Variants in ARID2 observed in about 807,000 individuals in gnomAD.
The protein encoded by ARID2 is AT-rich interactive domain-containing protein 2.
In ARID2, 32 loss-of-function variants were observed where a neutral mutation model predicts 184.6. The ratio of observed to expected loss-of-function variants is 0.17; its 90% confidence interval spans 0.13 to 0.23. The LOEUF is 0.23. Among genes scored for constraint, ARID2 ranks in the 10% least tolerant of loss-of-function variants. ARID2 has a pLI of 1.00. For missense variants in ARID2, 1,696 were observed against 2,197.6 expected, an observed-to-expected ratio of 0.77 and a Z score of 4.56; for synonymous variants, 836 against 772.6, an observed-to-expected ratio of 1.08 and a Z score of -1.36.
rs1941424521 is a variant in ARID2 at position 45,749,795 on chromosome 12, C to T, written c.284+18481C>T. ...CTCACAAACCAACAACCTTTGCTAG[C>T]TTCAGACTTTCCTTCTGCAGCTTCC... On this transcript the variant is annotated intron_variant, in intron 3 of 20. Transcript: ENST00000334344. Among the ~76,000 whole-genome samples, 2 of 152,196 alleles carry T rather than the reference C, an allele frequency of 1.3e-5. 1 individual carries two copies. The highest frequency in any genetic ancestry group is 4.1e-4 in the South Asian group (2 of 4,830).
At chr12:45,796,899 G>C (rs1052567182) in intron 3 of ARID2, among the ~76,000 whole-genome samples, 1 of 152,140 alleles carries the variant, frequency 6.6e-6, no homozygotes, top group Non-Finnish European at 1.5e-5. Flanking sequence ...AGAGAATATT[G>C]TTAAATTATC....
intron 13 of ARID2, 65 bp from the exon 14 acceptor site, chr12:45,849,515 A>T (rs2138155870): frequency 7.5e-7 from 1 of 1,330,370 alleles, no homozygotes; most frequent in Non-Finnish European, 1.0e-6. Flanking sequence ...TTGTTCATGT[A>T]AACATAATGT....
At chr12:45,894,095 T>C (rs1944337990) in intron 20 of ARID2, among the ~76,000 whole-genome samples, 1 of 152,218 alleles carries the variant, frequency 6.6e-6, no homozygotes, top group Admixed American at 6.5e-5. Flanking sequence ...GGCATTTTCA[T>C]GTACCCATCA....
At chr12:45,860,713 CAACAT>C (rs1179768872) in intron 15 of ARID2, 83 bp from the exon 16 acceptor site, 3 of 1,124,046 alleles carry the variant, frequency 2.7e-6, no homozygotes, top group African/African-American at 1.6e-5. Flanking sequence ...AAATGTATAA[CAACAT>C]AATCAAATTT....
At chr12:45,796,695 G>T (rs1417259583) in intron 3 of ARID2, among the ~76,000 whole-genome samples, 1 of 152,012 alleles carries the variant, frequency 6.6e-6, no homozygotes, top group Non-Finnish European at 1.5e-5. Context: ...TGTGATTTTA[G>T]TAAAGATGGG....
intron 3 of ARID2, among the ~76,000 whole-genome samples, chr12:45,808,688 CA>C (rs1435706607): frequency 6.6e-6 from 1 of 151,786 alleles, no homozygotes; most frequent in Non-Finnish European, 1.5e-5. Context: ...TCTTTACTAA[CA>C]ATGTTGCTTT....
At chr12:45,779,481 A>G (rs1942048246) in intron 3 of ARID2, among the ~76,000 whole-genome samples, 1 of 152,160 alleles carries the variant, frequency 6.6e-6, no homozygotes, top group Non-Finnish European at 1.5e-5. Context: ...TTAATTGAAC[A>G]TTTAAAAAAC....
At chr12:45,854,169 C>T (rs1276158795) in intron 15 of ARID2, among the ~76,000 whole-genome samples, 1 of 152,188 alleles carries the variant, frequency 6.6e-6, no homozygotes, top group African/African-American at 2.4e-5. Context: ...TCACTGTCTC[C>T]CATTCCCCAG....
Position 45,869,184 on chromosome 12 carries a change from T to G in ARID2, c.4922+8235T>G, listed in dbSNP as rs186182887. ...GGCACGTGCCACCATGCCCAGCTAA[T>G]TTTTGTATTTTTAGTAGGGACAGGG... On this transcript the variant is annotated intron_variant, in intron 16 of 20. Coordinates refer to ENST00000334344, the MANE Select transcript of ARID2 (RefSeq NM_152641.4). Among the ~76,000 whole-genome samples, 8 of 152,098 alleles carry G rather than the reference T, an allele frequency of 5.3e-5. No individual in the cohort carries two copies. In the East Asian group the frequency reaches 1.4e-3, roughly 26 times the overall value.
chr12:45,848,806 G>A (rs111594260), intron 12 of ARID2, 30 bp from the exon 13 acceptor site: 7 of 1,595,142 alleles, frequency 4.4e-6, no homozygotes, highest in African/African-American at 2.7e-5. Flanking sequence ...AGAGTATATT[G>A]TATAATGCTT....
At position 45,731,902 on chromosome 12, in the gene ARID2, A is replaced by G. The variant is rs964303511; in HGVS notation, c.284+588A>G. Among the ~76,000 whole-genome samples, 9 of 152,078 alleles carry G rather than the reference A, an allele frequency of 5.9e-5. No individual in the cohort carries two copies. In the East Asian group the frequency reaches 1.3e-3, roughly 23 times the overall value. On this transcript the variant is annotated intron_variant, in intron 3 of 20. Coordinates refer to ENST00000334344, the MANE Select transcript of ARID2 (RefSeq NM_152641.4). Reference sequence around the variant, plus strand: ...TTAAATTAGTAATTTAAATTAGATAATTTAAATTATTATATCTTTAGGAAA... The same window carrying G: ...TTAAATTAGTAATTTAAATTAGATAGTTTAAATTATTATATCTTTAGGAAA...
intron 3 of ARID2, among the ~76,000 whole-genome samples, chr12:45,737,795 A>C (rs1941159221): frequency 6.6e-6 from 1 of 152,160 alleles, no homozygotes; most frequent in Admixed American, 6.5e-5. Context: ...CATATTGGTC[A>C]GGGTTACATC....
rs2138153764 is a variant in ARID2 at position 45,848,794 on chromosome 12, C to G, written c.1581-42C>G. ...TTAGTATATTTAAATATGGAGTTTC[C>G]TAGAGTATATTGTATAATGCTTAAT... On this transcript the variant is annotated intron_variant, in intron 12 of 20. Coordinates refer to ENST00000334344, the MANE Select transcript of ARID2 (RefSeq NM_152641.4). 3 of 1,529,346 alleles carry G rather than the reference C, an allele frequency of 2.0e-6. 1 individual carries two copies. The highest frequency in any genetic ancestry group is 2.6e-5 in the South Asian group (2 of 77,118). The allele number at this position is 1,529,346 out of a possible 1,614,324, so 94.7% of individuals were successfully genotyped here. A position where few individuals can be genotyped will look rare whatever the true frequency, so the allele number is the denominator to read the frequency against.
At chr12:45,844,488 A>G (rs1592114665) in intron 11 of ARID2, among the ~76,000 whole-genome samples, 1 of 152,274 alleles carries the variant, frequency 6.6e-6, no homozygotes, top group East Asian at 1.9e-4. Context: ...AGAATACCCA[A>G]TTTCTAATGC....
At chr12:45,759,090 T>G (rs1448071309) in intron 3 of ARID2, among the ~76,000 whole-genome samples, 1 of 152,156 alleles carries the variant, frequency 6.6e-6, no homozygotes, top group Non-Finnish European at 1.5e-5. Context: ...TTAATTATTC[T>G]GATATGCTTT....
rs967761538 is a variant in ARID2, at chr12:45,851,679, A to G, written c.3556A>G (p.Thr1186Ala). Reference sequence around the variant, plus strand: ...GCCAAATACGAGTTTTGCACCTGCAACTGTGAGTCAGGGAAATGCAACTCA... The same window carrying G: ...GCCAAATACGAGTTTTGCACCTGCAGCTGTGAGTCAGGGAAATGCAACTCA... ...VVPNTSFAPATVSQGNATQLI... is the reference protein window; with the variant it reads ...VVPNTSFAPAAVSQGNATQLI... The change falls in exon 15 of 21, where the codon ACT (threonine) becomes GCT (alanine). Residue 1186 changes from threonine (T) to alanine (A), a missense_variant. Physicochemically the swap from Thr to Ala is moderately conservative, Grantham distance 58. This residue lies in a region of ARID2 where 428 missense variants were observed against 409.1 expected (regional missense o/e 1.05). Transcript: ENST00000334344. The G allele has an allele frequency of 6.2e-6, 10 of 1,614,172 alleles. No individual in the cohort carries two copies. The highest frequency in any genetic ancestry group is 5.9e-6 in the Non-Finnish European group (7 of 1,180,016).
At position 45,770,711 on chromosome 12, in the gene ARID2, C is replaced by T. The variant is rs140804294; in HGVS notation, c.284+39397C>T. On this transcript the variant is annotated intron_variant, in intron 3 of 20. Transcript: ENST00000334344. ...AGGGGAGTGTGTGCTGATTGGTTTC[C>T]TAGTATGCAGAGAAAGGCTAAAGCA... is the stretch of plus-strand genomic sequence containing the variant. Among the ~76,000 whole-genome samples, 831 of 152,194 alleles carry T rather than the reference C, an allele frequency of 5.5e-3. 7 individuals are homozygous for T. Among genetic ancestry groups the T allele is most frequent in the African/African-American group, 0.019 (792 of 41,530 alleles).
chr12:45,856,204 A>G (rs1290114320), intron 15 of ARID2, among the ~76,000 whole-genome samples: 1 of 150,032 alleles, frequency 6.7e-6, no homozygotes, highest in Non-Finnish European at 1.5e-5. Context: ...CCTCCTGAGT[A>G]ACTGGAATTA....
At chr12:45,744,639 T>C (rs1197711772) in intron 3 of ARID2, among the ~76,000 whole-genome samples, 1 of 152,166 alleles carries the variant, frequency 6.6e-6, no homozygotes, top group Non-Finnish European at 1.5e-5. Flanking sequence ...TGATATTTAA[T>C]AATAAGGCAA....
Sources: gnomAD v4.1 joint callset for allele counts (sites outside exome capture counted in the v4.1 genomes callset) on GRCh38, gnomAD v4.1.1 for gene constraint, gnomAD v4.1.1 regional missense constraint, MANE v1.5 for transcripts, NCBI Gene and HGNC (gene_info 2026-07-23, HGNC 2026-07-21) for gene names.